Variants in ROBO1 observed in about 807,000 individuals in gnomAD.
ROBO1 encodes the protein roundabout homolog 1.
A neutral mutation model predicts 195.9 loss-of-function variants in ROBO1; 149 were observed. The ratio of observed to expected loss-of-function variants is 0.76; its 90% confidence interval spans 0.67 to 0.87. The LOEUF (loss-of-function observed/expected upper bound fraction) is 0.87, where lower values mean the gene tolerates loss of function less well. Ranked by LOEUF, ROBO1 falls within the 40% of genes least tolerant of loss-of-function variation. The probability of loss-of-function intolerance (pLI) is 0.00; values close to 1 mark genes in which losing one functional copy is unlikely to be tolerated. For synonymous variants in ROBO1, 816 were observed against 733.2 expected, an observed-to-expected ratio of 1.11 and a Z score of -1.82; for missense variants, 1,933 against 2,068.3, an observed-to-expected ratio of 0.93 and a Z score of 1.27.
intron 4 of ROBO1, among the ~76,000 whole-genome samples, chr3:78,751,586 T>C (rs1156597524): frequency 6.6e-6 from 1 of 152,158 alleles, no homozygotes; most frequent in Non-Finnish European, 1.5e-5. Flanking sequence ...AATACACAAG[T>C]ATCATGATAT....
chr3:78,710,217 A>G (rs1237061339), intron 8 of ROBO1, among the ~76,000 whole-genome samples: 1 of 152,126 alleles, frequency 6.6e-6, no homozygotes, highest in Non-Finnish European at 1.5e-5. Context: ...CTACAGGTGC[A>G]CACCAACATG....
intron 4 of ROBO1, among the ~76,000 whole-genome samples, chr3:78,775,559 G>A (rs994517285): frequency 6.6e-6 from 1 of 152,080 alleles, no homozygotes; most frequent in Admixed American, 6.5e-5. Context: ...GCTATACAAA[G>A]GCAAATTTAC....
chr3:79,627,636 C>T (rs1262757389), intron 1 of ROBO1, among the ~76,000 whole-genome samples: 1 of 152,016 alleles, frequency 6.6e-6, no homozygotes, highest in African/African-American at 2.4e-5. Flanking sequence ...ACAATAAAAC[C>T]AAAATTAACA....
At chr3:79,594,384 T>C (rs917958495) in intron 1 of ROBO1, among the ~76,000 whole-genome samples, 1 of 152,056 alleles carries the variant, frequency 6.6e-6, no homozygotes, top group Non-Finnish European at 1.5e-5. Flanking sequence ...TTTAAAATAC[T>C]AAGAGTGTAT....
intron 2 of ROBO1, among the ~76,000 whole-genome samples, chr3:79,267,462 T>C (rs1167049707): frequency 6.6e-6 from 1 of 151,434 alleles, no homozygotes; most frequent in African/African-American, 2.4e-5. Flanking sequence ...CTTTACTCCC[T>C]CCATTAGTCT....
chr3:79,704,220 A>G lies in ROBO1; in HGVS notation c.-51+63532T>C, dbSNP rs549726013. On this transcript the variant is annotated intron_variant, in intron 1 of 30. Transcript: ENST00000464233. The stretch of plus-strand genomic sequence containing the variant: ...ATATCACTCAATGTCCACAGTTTAA[A>G]TTAGAGTTCACTCTTGGTGTTATAT... Among the ~76,000 whole-genome samples, 5 of 152,072 alleles carry G rather than the reference A, an allele frequency of 3.3e-5. No homozygotes were observed. In the South Asian group the frequency reaches 1.0e-3, roughly 31 times the overall value.
intron 5 of ROBO1, among the ~76,000 whole-genome samples, chr3:78,746,512 G>A (rs532422291): frequency 6.6e-6 from 1 of 152,132 alleles, no homozygotes; most frequent in African/African-American, 2.4e-5. Context: ...CACTAAAACA[G>A]GAATTATAGT....
chr3:78,628,551 G>T (rs896117529), intron 25 of ROBO1, among the ~76,000 whole-genome samples: 32 of 151,946 alleles, frequency 2.1e-4, no homozygotes, highest in Admixed American at 2.1e-3. Flanking sequence ...CGATTATAAG[G>T]GCAATGAAGT....
At chr3:78,922,898 T>C (rs538963576) in intron 4 of ROBO1, among the ~76,000 whole-genome samples, 1 of 152,224 alleles carries the variant, frequency 6.6e-6, no homozygotes, top group South Asian at 2.1e-4. Flanking sequence ...GCATCTGGAC[T>C]CATTGTCTGA....
chr3:78,693,267 G>A, intron 8 of ROBO1: 1 of 1,531,282 alleles, frequency 6.5e-7, no homozygotes, highest in East Asian at 2.5e-5. Context: ...GGACATGGAA[G>A]GGTATGGATG....
intron 2 of ROBO1, among the ~76,000 whole-genome samples, chr3:79,402,463 T>C (rs1412924579): frequency 6.6e-6 from 1 of 151,872 alleles, no homozygotes; most frequent in Non-Finnish European, 1.5e-5. Flanking sequence ...GTATATGCAA[T>C]AAATAAAGAG....
chr3:79,300,520 G>C (rs540346363), intron 2 of ROBO1, among the ~76,000 whole-genome samples: 4 of 152,182 alleles, frequency 2.6e-5, no homozygotes, highest in Non-Finnish European at 5.9e-5. Context: ...GTGGGCTCCT[G>C]TGCGGCCCCA....
chr3:78,734,778 A>G (rs1007332633), intron 5 of ROBO1, among the ~76,000 whole-genome samples: 1 of 152,174 alleles, frequency 6.6e-6, no homozygotes, highest in African/African-American at 2.4e-5. Flanking sequence ...AAACTTGAAA[A>G]TATATAGTAT....
intron 1 of ROBO1, among the ~76,000 whole-genome samples, chr3:79,751,671 A>G (rs187877354): frequency 6.6e-6 from 1 of 152,152 alleles, no homozygotes. Flanking sequence ...AAGGATGGTT[A>G]TCGTATTTCA....
chr3:78,830,425 A>T (rs147134126), intron 4 of ROBO1, among the ~76,000 whole-genome samples: 1 of 152,290 alleles, frequency 6.6e-6, no homozygotes, highest in Non-Finnish European at 1.5e-5. Context: ...CAAACCCAAG[A>T]CTGGTAATTT....
In ROBO1 at chr3:79,089,599, G is replaced by C. The variant is rs577639434; in HGVS notation, c.172+35857C>G. On this transcript the variant is annotated intron_variant, in intron 3 of 30. Coordinates refer to ENST00000464233, the MANE Select transcript of ROBO1 (RefSeq NM_002941.4). ...AAAGAGAACACACATTTCATAACTT[G>C]ATAATTATCAGCCTGTTTACCTAAA... is the stretch of plus-strand genomic sequence containing the variant. Among the ~76,000 whole-genome samples the C allele has an allele frequency of 5.3e-5, 8 of 152,150 alleles. No homozygotes were observed. In the East Asian group the frequency reaches 1.6e-3, roughly 29 times the overall value.
At chr3:79,614,947 C>A (rs2107941284) in intron 1 of ROBO1, among the ~76,000 whole-genome samples, 1 of 151,920 alleles carries the variant, frequency 6.6e-6, no homozygotes, top group East Asian at 1.9e-4. Context: ...CATTGTAAAC[C>A]AAAAATAGAA....
At chr3:78,661,330 T>A (rs1415629978) in intron 15 of ROBO1, 69 bp from the exon 16 acceptor site, 1 of 1,010,962 alleles carries the variant, frequency 9.9e-7, no homozygotes, top group Non-Finnish European at 1.4e-6. Flanking sequence ...ATAATAAAAA[T>A]TAAACGTTAT....
At chr3:78,711,449 TTCC>T (rs2081740501) in intron 8 of ROBO1, among the ~76,000 whole-genome samples, 1 of 107,438 alleles carries the variant, frequency 9.3e-6, no homozygotes, top group Non-Finnish European at 2.0e-5. Flanking sequence ...CTTTCCTTCC[TTCC>T]TTCCTTCCTT....
Sources: gnomAD v4.1 joint callset for allele counts (sites outside exome capture counted in the v4.1 genomes callset) on GRCh38, gnomAD v4.1.1 for gene constraint, MANE v1.5 for transcripts, NCBI Gene and HGNC (gene_info 2026-07-23, HGNC 2026-07-21) for gene names.